The following THADA variants were observed in gnomAD, a reference collection of about 807,000 sequenced individuals.
THADA encodes the protein tRNA (32-2'-O)-methyltransferase regulator THADA.
In THADA, 213 loss-of-function variants were observed where a neutral mutation model predicts 219.8. The ratio of observed to expected loss-of-function variants is 0.97; its 90% confidence interval spans 0.87 to 1.09. The LOEUF (loss-of-function observed/expected upper bound fraction) is 1.09, where lower values mean the gene tolerates loss of function less well. Ranked by LOEUF, THADA falls within the 50% of genes least tolerant of loss-of-function variation. THADA has a pLI of 0.00. For missense variants in THADA, 2,956 were observed against 2,311.3 expected (o/e 1.28, Z -5.72); for synonymous variants, 1,018 against 828.9 (o/e 1.23, Z -3.92).
In THADA at chr2:43,293,078, G is replaced by A. The variant is rs1240447504; in HGVS notation, c.4574C>T (p.Ala1525Val). 6.2e-7 allele frequency: 1 copy of A among 1,613,992 alleles called. No homozygotes were observed. Among genetic ancestry groups the A allele is most frequent in the Non-Finnish European group, 8.5e-7 (1 of 1,179,892 alleles). The change falls in exon 32 of 38, where the codon GCT becomes GTT. Residue 1525 changes from alanine to valine, a missense_variant. By Grantham distance (64) the Ala-to-Val change is moderately conservative. Transcript: ENST00000405975. Reference protein sequence around the residue: ...YLQSLTRLAIAAVWAAAAKSG... With the variant: ...YLQSLTRLAIVAVWAAAAKSG... ...CTTGGCTGCCGCGGCCCACACTGCA[G>A]CAATGGCTAGTCTGGTGAGGCTCTG...
intron 30 of THADA, among the ~76,000 whole-genome samples, chr2:43,331,970 G>A (rs979560677): frequency 2.3e-5 from 3 of 131,282 alleles, no homozygotes; most frequent in East Asian, 1.9e-4. Context: ...AATGCTGGGC[G>A]CTGTACTAAG....
At chr2:43,506,711 C>T (rs919196706) in intron 23 of THADA, among the ~76,000 whole-genome samples, 4 of 152,106 alleles carry the variant, frequency 2.6e-5, no homozygotes, top group Admixed American at 2.6e-4. Flanking sequence ...AAAAGGGTGA[C>T]TATATAGTAT....
intron 25 of THADA, among the ~76,000 whole-genome samples, chr2:43,493,830 C>T (rs1295180586): frequency 2.0e-5 from 3 of 152,064 alleles, no homozygotes; most frequent in Non-Finnish European, 4.4e-5. Flanking sequence ...TTTGCTGAGC[C>T]ACCACCATCT....
At chr2:43,392,597 T>G (rs13387232) in intron 29 of THADA, among the ~76,000 whole-genome samples, 7,453 of 152,138 alleles carry the variant, frequency 0.049, 527 homozygotes, top group African/African-American at 0.15. Flanking sequence ...CCAGTTTCGG[T>G]CTTCATGTGT....
intron 36 of THADA, among the ~76,000 whole-genome samples, chr2:43,249,465 G>C (rs1466231645): frequency 6.6e-6 from 1 of 152,092 alleles, no homozygotes; most frequent in Non-Finnish European, 1.5e-5. Flanking sequence ...CTGTGGTCAG[G>C]GTGACCTGTC....
At chr2:43,348,504 T>G (rs1233418274) in intron 29 of THADA, among the ~76,000 whole-genome samples, 1 of 152,184 alleles carries the variant, frequency 6.6e-6, no homozygotes, top group Non-Finnish European at 1.5e-5. Flanking sequence ...TTTATACTCA[T>G]CCCCCTTTGG....
Position 43,570,484 on chromosome 2 carries a change from A to C in THADA, c.2091T>G (p.Ser697=). ...TCTGCTCCAATTTATAAAGTACCTG[A>C]GAACTTTCCTGTATCCTACAAAACA... ...KKLFCRIQES[S]QVLYKLEQSK... Residue 697 remains serine (S), a synonymous_variant, in exon 14 of 38, where the codon TCT becomes TCG. Coordinates refer to ENST00000405975, the MANE Select transcript of THADA (RefSeq NM_022065.5). 1 of 1,612,372 alleles carries C rather than the reference A, an allele frequency of 6.2e-7. No homozygotes were observed.
chr2:43,378,749 G>A (rs1671663774), intron 29 of THADA, among the ~76,000 whole-genome samples: 2 of 152,098 alleles, frequency 1.3e-5, no homozygotes, highest in African/African-American at 4.8e-5. Flanking sequence ...GGGATTACAG[G>A]CACCCAACAC....
At chr2:43,380,331 GT>G (rs1264871549) in intron 29 of THADA, among the ~76,000 whole-genome samples, 3 of 152,172 alleles carry the variant, frequency 2.0e-5, no homozygotes, top group Non-Finnish European at 4.4e-5. Flanking sequence ...AGTAGGTAAG[GT>G]TTTTTTCTCC....
intron 28 of THADA, among the ~76,000 whole-genome samples, chr2:43,423,725 G>A (rs973500064): frequency 6.6e-6 from 1 of 152,134 alleles, no homozygotes; most frequent in African/African-American, 2.4e-5. Context: ...CTGGGCCTTT[G>A]TTCAGGATTC....
chr2:43,355,934 A>G lies in THADA; in HGVS notation c.4228-11697T>C, dbSNP rs543112922. On this transcript the variant is annotated intron_variant, in intron 29 of 37. Coordinates refer to ENST00000405975, the MANE Select transcript of THADA (RefSeq NM_022065.5). ...TTTCTATAATATAAAAATGTGAAAA[A>G]GATTTAGTGAGGGAGGAAGAATGGA... is the stretch of plus-strand genomic sequence containing the variant. 1.6e-4 allele frequency among the ~76,000 whole-genome samples: 24 copies of G among 152,324 alleles called. No individual in the cohort carries two copies. In the South Asian group the frequency reaches 5.0e-3, roughly 32 times the overall value.
intron 35 of THADA, 62 bp from the exon 36 acceptor site, chr2:43,279,958 T>C: frequency 7.1e-7 from 1 of 1,411,798 alleles, no homozygotes; most frequent in Non-Finnish European, 9.3e-7. Context: ...GTGCAAATAC[T>C]GCTTCAAATC....
At chr2:43,488,273 C>T (rs1269684443) in intron 25 of THADA, among the ~76,000 whole-genome samples, 1 of 152,148 alleles carries the variant, frequency 6.6e-6, no homozygotes, top group Non-Finnish European at 1.5e-5. Context: ...GAAGCTATCA[C>T]CACTAACCAA....
At chr2:43,257,622 G>C (rs924455461) in intron 36 of THADA, among the ~76,000 whole-genome samples, 1 of 152,348 alleles carries the variant, frequency 6.6e-6, no homozygotes, top group Admixed American at 6.5e-5. Flanking sequence ...GATATGGAAG[G>C]CCTTTCTCTC....
intron 26 of THADA, among the ~76,000 whole-genome samples, chr2:43,476,240 T>C (rs1199307697): frequency 6.6e-6 from 1 of 152,098 alleles, no homozygotes; most frequent in Non-Finnish European, 1.5e-5. Context: ...CAGGAGGAAA[T>C]GCTGTTGCTC....
intron 22 of THADA, among the ~76,000 whole-genome samples, chr2:43,518,617 C>G (rs377412872): frequency 2.0e-5 from 3 of 152,328 alleles, no homozygotes; most frequent in African/African-American, 7.2e-5. Context: ...CACTTATGAA[C>G]ACAGAGTAGA....
intron 28 of THADA, among the ~76,000 whole-genome samples, chr2:43,409,327 A>G (rs1421898327): frequency 6.6e-6 from 1 of 152,176 alleles, no homozygotes; most frequent in Non-Finnish European, 1.5e-5. Context: ...AAGTACAAGG[A>G]AAGTTTTGAA....
At chr2:43,506,315 C>G (rs1159395295) in intron 23 of THADA, among the ~76,000 whole-genome samples, 1 of 152,132 alleles carries the variant, frequency 6.6e-6, no homozygotes, top group African/African-American at 2.4e-5. Context: ...TTTTCAGTAG[C>G]TTCTTACTTA....
intron 29 of THADA, among the ~76,000 whole-genome samples, chr2:43,346,245 G>T (rs1240660079): frequency 6.6e-6 from 1 of 152,168 alleles, no homozygotes; most frequent in Non-Finnish European, 1.5e-5. Flanking sequence ...GTGTTTTTGA[G>T]ATATTTTTCT....
Sources: allele counts gnomAD v4.1 joint callset (sites outside exome capture counted in the v4.1 genomes callset), GRCh38; gene constraint gnomAD v4.1.1; transcripts MANE v1.5; gene names NCBI Gene and HGNC (gene_info 2026-07-23, HGNC 2026-07-21).